FKBP1C: variants seen among roughly 807,000 people sequenced by gnomAD.
The protein encoded by FKBP1C is peptidyl-prolyl cis-trans isomerase FKBP1C.
FKBP1C carries 7 observed loss-of-function variants against 7.1 expected under a neutral mutation model. That is an observed-to-expected ratio of 0.99 (90% CI 0.56 to 1.86). FKBP1C has a LOEUF of 1.86. FKBP1C is among the 40% of genes most tolerant of loss of function. FKBP1C has a pLI of 0.00. For missense variants in FKBP1C, 159 were observed against 139.9 expected (o/e 1.14, Z -0.69); for synonymous variants, 56 against 51.2 (o/e 1.09, Z -0.40).
At chr6:63,212,253 T>G (rs565061451) in exon 1 of FKBP1C, 1 of 335,340 alleles carries the variant, frequency 3.0e-6, no homozygotes, top group East Asian at 5.6e-5. Flanking sequence ...TAGGAATTGG[T>G]GTTGAGGGGG....
the FKBP1C span, chr6:63,211,735 G>A: frequency 6.2e-7 from 1 of 1,614,022 alleles, no homozygotes; most frequent in Non-Finnish European, 8.5e-7. Flanking sequence ...ATCCGAGGCT[G>A]GGAAGAAGGG....
exon 1 of FKBP1C, chr6:63,211,518 C>A: frequency 1.2e-6 from 1 of 828,680 alleles, no homozygotes; most frequent in African/African-American, 1.7e-5. Flanking sequence ...GTCCACGCCG[C>A]CCGTCGCGCT....
chr6:63,211,989 TC>T, exon 1 of FKBP1C: 1 of 1,305,242 alleles, frequency 7.7e-7, no homozygotes, highest in Non-Finnish European at 1.1e-6. Context: ...TTCCTGATGT[TC>T]CACTCCACTT....
At chr6:63,212,031 T>A in exon 1 of FKBP1C, 1 of 921,956 alleles carries the variant, frequency 1.1e-6, no homozygotes, top group Non-Finnish European at 1.7e-6. Flanking sequence ...CTGAATGTGT[T>A]CTGTCACTCA....
exon 1 of FKBP1C, chr6:63,212,155 AAG>A (rs1161724953): frequency 1.7e-6 from 1 of 588,466 alleles, no homozygotes; most frequent in African/African-American, 1.9e-5. Flanking sequence ...TTTTGGGGTG[AAG>A]ATTCAGTTTC....
exon 1 of FKBP1C, chr6:63,211,528 T>C (rs878906504): frequency 1.0e-6 from 1 of 957,190 alleles, no homozygotes; most frequent in South Asian, 1.4e-5. Flanking sequence ...CCCGTCGCGC[T>C]GCCCGCCCGC....
exon 1 of FKBP1C, chr6:63,212,449 G>T (rs775903609): frequency 5.8e-6 from 1 of 171,374 alleles, no homozygotes; most frequent in Admixed American, 6.3e-5. Context: ...GTGGGGATGG[G>T]GAGAGGCTTT....
At chr6:63,211,685 A>C in exon 1 of FKBP1C, 1 of 1,614,076 alleles carries the variant, frequency 6.2e-7, no homozygotes, top group Non-Finnish European at 8.5e-7. Context: ...CCCGGGACAG[A>C]AACAAGCCCT....
chr6:63,211,525 C>G, exon 1 of FKBP1C: 1 of 919,300 alleles, frequency 1.1e-6, no homozygotes, highest in Non-Finnish European at 1.7e-6. Flanking sequence ...CCGCCCGTCG[C>G]GCTGCCCGCC....
chr6:63,212,605 T>A (rs1478201352), exon 1 of FKBP1C: 3 of 166,554 alleles, frequency 1.8e-5, no homozygotes, highest in African/African-American at 7.3e-5. Flanking sequence ...ATTTTTTTTT[T>A]TTTTTTTTTC....
exon 1 of FKBP1C, chr6:63,211,802 C>T (rs1352084022): frequency 1.2e-6 from 2 of 1,613,744 alleles, no homozygotes; most frequent in Non-Finnish European, 1.7e-6. Context: ...CAGATTATGC[C>T]TATGGTGCCA....
At chr6:63,211,520 CG>C in exon 1 of FKBP1C, 1 of 851,970 alleles carries the variant, frequency 1.2e-6, no homozygotes, top group African/African-American at 1.7e-5. Flanking sequence ...CCACGCCGCC[CG>C]TCGCGCTGCC....
chr6:63,211,531 C>A (rs980330643), exon 1 of FKBP1C: 1 of 995,192 alleles, frequency 1.0e-6, no homozygotes, highest in Non-Finnish European at 1.6e-6. Flanking sequence ...GTCGCGCTGC[C>A]CGCCCGCTCG....
exon 1 of FKBP1C, chr6:63,212,117 A>C: frequency 1.6e-6 from 1 of 612,250 alleles, no homozygotes; most frequent in East Asian, 2.8e-5. Context: ...TATGCCATAA[A>C]CGTCAAGTTA....
At chr6:63,211,700 G>A (rs773242238) in exon 1 of FKBP1C, 17 of 1,613,918 alleles carry the variant, frequency 1.1e-5, no homozygotes, top group Non-Finnish European at 1.4e-5. Flanking sequence ...AGCCCTTTAA[G>A]TTTATGCTAG....
At chr6:63,212,304 T>C (rs1219818875) in exon 1 of FKBP1C, 1 of 237,458 alleles carries the variant, frequency 4.2e-6, no homozygotes, top group Non-Finnish European at 8.9e-6. Context: ...ATGAAATTTT[T>C]ATCTATTATA....
exon 1 of FKBP1C, chr6:63,212,176 G>T (rs186593523): frequency 3.5e-6 from 2 of 563,484 alleles, no homozygotes; most frequent in Admixed American, 3.3e-5. Context: ...TCAGTCTTTT[G>T]AATATAGGTT....
At chr6:63,212,404 C>G (rs981545377) in exon 1 of FKBP1C, 1 of 173,736 alleles carries the variant, frequency 5.8e-6, no homozygotes, top group Non-Finnish European at 1.4e-5. Context: ...GAGAGATGTC[C>G]TTGGGTTAAA....
At chr6:63,212,130 C>T in exon 1 of FKBP1C, 1 of 603,622 alleles carries the variant, frequency 1.7e-6, no homozygotes, top group East Asian at 2.8e-5. Context: ...TCAAGTTATT[C>T]ATTTTACTTT....
Sources: allele counts gnomAD v4.1 joint callset, GRCh38; gene constraint gnomAD v4.1.1; transcripts MANE v1.5; gene names NCBI Gene and HGNC (gene_info 2026-07-23, HGNC 2026-07-21).